The following ZFAT variants were observed in gnomAD, a reference collection of about 807,000 sequenced individuals.
ZFAT encodes zinc finger and AT-hook domain containing.
Under a neutral mutation model 117.7 loss-of-function variants are expected in ZFAT, and 64 were observed. The ratio of observed to expected loss-of-function variants is 0.54; its 90% confidence interval spans 0.44 to 0.67. The LOEUF (loss-of-function observed/expected upper bound fraction) is 0.67, where lower values mean the gene tolerates loss of function less well. Ranked by LOEUF, ZFAT falls within the 30% of genes least tolerant of loss-of-function variation. The pLI, the probability that ZFAT is intolerant of heterozygous loss-of-function variation, is 0.00. For missense variants in ZFAT, 1,433 were observed against 1,584.5 expected, an observed-to-expected ratio of 0.90 and a Z score of 1.62; for synonymous variants, 679 against 615.0, an observed-to-expected ratio of 1.10 and a Z score of -1.54.
chr8:134,674,217 G>A (rs1832687247), intron 1 of ZFAT, among the ~76,000 whole-genome samples: 1 of 152,182 alleles, frequency 6.6e-6, no homozygotes, highest in South Asian at 2.1e-4. Context: ...GCTGTACCGG[G>A]AGGAATGGTG....
chr8:134,648,734 TA>T (rs1179690162), intron 2 of ZFAT, among the ~76,000 whole-genome samples: 10 of 152,070 alleles, frequency 6.6e-5, no homozygotes, highest in Admixed American at 5.9e-4. Flanking sequence ...CACCAATACT[TA>T]AAAATTTTTC....
rs923743907 is a variant in ZFAT at position 134,478,923 on chromosome 8, G to A, written c.3493-202C>T. ...ATGAGGTTCAGCAATGTAGGGCAAC[G>A]TGGTCAGGGTCCCCAGCCGTGGCAA... On this transcript the variant is annotated intron_variant, in intron 15 of 15. Coordinates refer to ENST00000377838, the MANE Select transcript of ZFAT (RefSeq NM_020863.4). This position sits in a 1 kb window ranked among gnomAD's most constrained non-coding sequence, Gnocchi z 5.2. Among the ~76,000 whole-genome samples, 4 of 152,188 alleles carry A rather than the reference G, an allele frequency of 2.6e-5. No homozygotes were observed. The highest frequency in any genetic ancestry group is 4.4e-5 in the Non-Finnish European group (3 of 68,032).
chr8:134,679,875 G>A (rs1446411930), intron 1 of ZFAT, among the ~76,000 whole-genome samples: 2 of 151,518 alleles, frequency 1.3e-5, no homozygotes, highest in Non-Finnish European at 1.5e-5. Context: ...ACTCATAAAC[G>A]GGAGTTGAAC....
chr8:134,601,532 G>C lies in ZFAT; in HGVS notation c.2187C>G (p.Thr729=). The change falls in exon 6 of 16, where the codon ACC becomes ACG. Residue 729 remains threonine, a synonymous_variant. Transcript: ENST00000377838. The part of the protein sequence containing the change: ...LNSLQKKQMN[T]SLCERIRKVY... ...CCTTCCGGATCCGCTCACACAAGCT[G>C]GTGTTCATTTGCTTCTTCTGTAAAC... 1.2e-6 allele frequency: 2 copies of C among 1,614,204 alleles called. No individual in the cohort carries two copies. The highest frequency in any genetic ancestry group is 1.7e-6 in the Non-Finnish European group (2 of 1,180,022).
intron 1 of ZFAT, 45 bp downstream of exon 1, chr8:134,712,800 G>GGCCCCCCCCC: frequency 8.8e-7 from 1 of 1,140,186 alleles, no homozygotes; most frequent in Non-Finnish European, 1.2e-6. Flanking sequence ...GCCGCGCCGC[G>GGCCCCCCCCC]CCCCACCCCC....
At chr8:134,691,111 G>A (rs923065726) in intron 1 of ZFAT, among the ~76,000 whole-genome samples, 6 of 152,202 alleles carry the variant, frequency 3.9e-5, no homozygotes, top group African/African-American at 1.2e-4. Context: ...CCCTCCCCTC[G>A]ATGCAGAGGC....
At chr8:134,793,885 C>T in the ZFAT span, 1 of 152,154 alleles carries the variant, frequency 6.6e-6, no homozygotes, top group Non-Finnish European at 1.5e-5. Flanking sequence ...TACCGACATG[C>T]ACAAACACAC....
At chr8:134,488,923 C>T (rs1458454466) in intron 15 of ZFAT, among the ~76,000 whole-genome samples, 1 of 128,956 alleles carries the variant, frequency 7.8e-6, no homozygotes, top group East Asian at 2.5e-4. Context: ...TGGACAGATG[C>T]AATGAGATTC....
the ZFAT span, among the ~76,000 whole-genome samples, chr8:134,817,394 TACACACACACACACACACACACACAC>T: frequency 7.9e-6 from 1 of 125,978 alleles, no homozygotes; most frequent in Admixed American, 7.7e-5. Flanking sequence ...TCTCTCTCTC[TACACACACACACACACACACACACAC>T]ACACACACAC....
chr8:134,819,496 ACCCCCCCCC>A, the ZFAT span, among the ~76,000 whole-genome samples: 1 of 39,334 alleles, frequency 2.5e-5, no homozygotes, highest in East Asian at 1.1e-3. Context: ...CGGATTTACC[ACCCCCCCCC>A]CCCGCCCCCC....
chr8:134,781,530 A>G, the ZFAT span, among the ~76,000 whole-genome samples: 9 of 152,204 alleles, frequency 5.9e-5, no homozygotes, highest in Non-Finnish European at 8.8e-5. Context: ...ACTTGGTGTG[A>G]TCTGTGTTTT....
chr8:134,533,124 G>A (rs1821555649), intron 11 of ZFAT, among the ~76,000 whole-genome samples, 152 bp from the exon 12 acceptor site: 1 of 152,224 alleles, frequency 6.6e-6, no homozygotes, highest in African/African-American at 2.4e-5. Flanking sequence ...CACTAGGGCA[G>A]GAATGCTGAG....
intron 9 of ZFAT, 43 bp from the exon 10 acceptor site, chr8:134,584,048 G>T: frequency 6.6e-7 from 1 of 1,521,174 alleles, no homozygotes; most frequent in Non-Finnish European, 8.9e-7. Context: ...ATTTACATAC[G>T]TTTATGCATA....
chr8:134,832,144 G>C, the ZFAT span, among the ~76,000 whole-genome samples: 4 of 143,042 alleles, frequency 2.8e-5, no homozygotes, highest in African/African-American at 1.0e-4. Flanking sequence ...CGCGAGGGGC[G>C]GGGGGCAGGG....
chr8:134,552,504 G>C (rs1387915952), intron 11 of ZFAT, among the ~76,000 whole-genome samples: 1 of 152,126 alleles, frequency 6.6e-6, no homozygotes, highest in Non-Finnish European at 1.5e-5. Context: ...CTGACAACAG[G>C]CAATAGATTT....
At chr8:134,648,629 A>C (rs1368472146) in intron 2 of ZFAT, among the ~76,000 whole-genome samples, 1 of 152,122 alleles carries the variant, frequency 6.6e-6, no homozygotes, top group East Asian at 1.9e-4. Flanking sequence ...AGATGCATAC[A>C]CCTATAACAA....
At chr8:134,639,900 T>G (rs1830487564) in intron 2 of ZFAT, 3 of 400,272 alleles carry the variant, frequency 7.5e-6, no homozygotes, top group Non-Finnish European at 1.5e-5. Context: ...CCTGAAACAC[T>G]CTATGAGGAT....
At chr8:134,595,558 C>A (rs1291432567) in intron 7 of ZFAT, among the ~76,000 whole-genome samples, 1 of 152,182 alleles carries the variant, frequency 6.6e-6, no homozygotes, top group Non-Finnish European at 1.5e-5. Context: ...AACCTAAAGC[C>A]TCCTCTCATC....
chr8:134,486,085 T>A lies in ZFAT; in HGVS notation c.3493-7364A>T, dbSNP rs150420930. 3.4e-4 allele frequency among the ~76,000 whole-genome samples: 52 copies of A among 152,280 alleles called. 2 individuals are homozygous for A. In the East Asian group the frequency reaches 9.6e-3, roughly 28 times the overall value. ...TAGCTCTCAACACATAAATAAGTGA[T>A]GAATAAAGGAATTTAAAATAAAACC... On this transcript the variant is annotated intron_variant, in intron 15 of 15. Coordinates refer to ENST00000377838, the MANE Select transcript of ZFAT (RefSeq NM_020863.4).
Sources: gnomAD v4.1 joint callset for allele counts (sites outside exome capture counted in the v4.1 genomes callset) on GRCh38, gnomAD v4.1.1 for gene constraint, Gnocchi (gnomAD v3.1) non-coding constraint, MANE v1.5 for transcripts, NCBI Gene and HGNC (gene_info 2026-07-23, HGNC 2026-07-21) for gene names.